The following ZBTB20 variants were observed in gnomAD, a reference collection of about 807,000 sequenced individuals.
ZBTB20 encodes zinc finger and BTB domain containing 20, also known as zinc finger and BTB domain-containing protein 20.
In ZBTB20, 9 loss-of-function variants were observed where a neutral mutation model predicts 56.9. The observed-to-expected ratio is 0.16, with a 90% confidence interval of 0.10 to 0.28. The LOEUF is 0.28. Ranked by LOEUF, ZBTB20 falls within the 10% of genes least tolerant of loss-of-function variation. ZBTB20 has a pLI of 1.00. For missense variants in ZBTB20, 655 were observed against 1,003.0 expected, an observed-to-expected ratio of 0.65 and a Z score of 4.69; for synonymous variants, 417 against 420.7, an observed-to-expected ratio of 0.99 and a Z score of 0.11.
chr3:114,651,669 G>A, intron 6 of ZBTB20, among the ~76,000 whole-genome samples: 2 of 151,852 alleles, frequency 1.3e-5, no homozygotes, highest in South Asian at 4.2e-4. Flanking sequence ...AAATTTGAAG[G>A]ACTCCTCTTT....
chr3:115,056,623 T>A (rs2081794655), intron 2 of ZBTB20, among the ~76,000 whole-genome samples: 1 of 152,146 alleles, frequency 6.6e-6, no homozygotes, highest in South Asian at 2.1e-4. Context: ...TCTTCAAAAG[T>A]TATTTTAAAA....
At chr3:114,390,566 A>G (rs2108629282) in intron 7 of ZBTB20, among the ~76,000 whole-genome samples, 1 of 152,194 alleles carries the variant, frequency 6.6e-6, no homozygotes, top group Admixed American at 6.5e-5. Context: ...TGTTCTCTAA[A>G]TGTAGACATT....
intron 1 of ZBTB20, among the ~76,000 whole-genome samples, chr3:115,080,168 T>C (rs1048503398): frequency 1.3e-5 from 2 of 152,138 alleles, no homozygotes; most frequent in Admixed American, 1.3e-4. Flanking sequence ...AAGAGCTAGC[T>C]TGATCTCTTT....
chr3:114,618,116 C>T (rs2058061278), intron 6 of ZBTB20, among the ~76,000 whole-genome samples: 1 of 151,328 alleles, frequency 6.6e-6, no homozygotes, highest in African/African-American at 2.4e-5. Context: ...TATCCCCAAC[C>T]CCTGGAATAG....
At chr3:114,964,917 T>G (rs1273723319) in intron 3 of ZBTB20, among the ~76,000 whole-genome samples, 1 of 152,184 alleles carries the variant, frequency 6.6e-6, no homozygotes, top group African/African-American at 2.4e-5. Context: ...AAAAACATTT[T>G]CAAATTTCAA....
intron 1 of ZBTB20, among the ~76,000 whole-genome samples, chr3:115,087,033 C>CA (rs1315359336): frequency 6.6e-6 from 1 of 151,778 alleles, no homozygotes; most frequent in Admixed American, 6.6e-5. Flanking sequence ...GGCCAAATAG[C>CA]AACTTTCCCC....
chr3:114,500,816 A>T (rs1198944107), intron 6 of ZBTB20, among the ~76,000 whole-genome samples: 1 of 152,228 alleles, frequency 6.6e-6, no homozygotes, highest in African/African-American at 2.4e-5. Flanking sequence ...GCTTCATTTC[A>T]AGTGCTCAAT....
chr3:114,956,833 A>G (rs544706543), intron 3 of ZBTB20, among the ~76,000 whole-genome samples: 2 of 152,182 alleles, frequency 1.3e-5, no homozygotes, highest in Non-Finnish European at 2.9e-5. Flanking sequence ...TCACTTTGAC[A>G]GGAAGAGCAA....
At position 114,698,485 on chromosome 3, in the gene ZBTB20, A is replaced by G. The variant is rs533015560; in HGVS notation, c.-342-4910T>C. Among the ~76,000 whole-genome samples the G allele has an allele frequency of 2.0e-5, 3 of 152,230 alleles. No homozygotes were observed. The East Asian group carries it at 5.8e-4, about 29-fold the overall frequency. Reference sequence around the variant, plus strand: ...CAGTGCTTCCCATGCCATATAATGAATTCCCAAAGCGTGGACCAGAAAGAA... The same window carrying G: ...CAGTGCTTCCCATGCCATATAATGAGTTCCCAAAGCGTGGACCAGAAAGAA... On this transcript the variant is annotated intron_variant, in intron 5 of 11. Coordinates refer to ENST00000675478, the MANE Select transcript of ZBTB20 (RefSeq NM_001348800.3).
intron 2 of ZBTB20, among the ~76,000 whole-genome samples, chr3:115,015,295 G>T (rs2079902650): frequency 6.6e-6 from 1 of 151,650 alleles, no homozygotes; most frequent in African/African-American, 2.4e-5. Flanking sequence ...AGTTATTTTG[G>T]ACTGATAAAT....
At chr3:114,663,838 ACTAT>A (rs2060892436) in intron 6 of ZBTB20, among the ~76,000 whole-genome samples, 1 of 151,284 alleles carries the variant, frequency 6.6e-6, no homozygotes, top group Non-Finnish European at 1.5e-5. Flanking sequence ...AGAGGAGCTA[ACTAT>A]CCTAAATATA....
intron 4 of ZBTB20, among the ~76,000 whole-genome samples, chr3:114,812,178 G>A (rs1034447078): frequency 6.6e-6 from 1 of 152,140 alleles, no homozygotes; most frequent in Non-Finnish European, 1.5e-5. Flanking sequence ...TGCCACTGCT[G>A]GCTCCGGCAG....
At chr3:114,781,107 C>A (rs907756397) in intron 5 of ZBTB20, among the ~76,000 whole-genome samples, 1 of 151,908 alleles carries the variant, frequency 6.6e-6, no homozygotes, top group Non-Finnish European at 1.5e-5. Flanking sequence ...ATATATATAC[C>A]TAATATGTAT....
intron 6 of ZBTB20, among the ~76,000 whole-genome samples, chr3:114,513,289 A>G (rs1240172348): frequency 6.6e-6 from 1 of 152,228 alleles, no homozygotes; most frequent in Non-Finnish European, 1.5e-5. Context: ...ACAGACGTGA[A>G]CAAATACGTA....
chr3:114,390,953 C>T (rs768884968), intron 7 of ZBTB20, among the ~76,000 whole-genome samples: 3 of 151,744 alleles, frequency 2.0e-5, no homozygotes, highest in African/African-American at 4.9e-5. Context: ...CATCCAGTTA[C>T]GTGGGCCTAC....
chr3:114,927,102 C>A (rs542819416), intron 3 of ZBTB20, among the ~76,000 whole-genome samples: 2 of 152,278 alleles, frequency 1.3e-5, no homozygotes, highest in African/African-American at 4.8e-5. Context: ...TTAGGGCAAA[C>A]CTGCTTCCCA....
chr3:114,331,134 T>TGTGTGTGTGTGC lies in ZBTB20; in HGVS notation c.*7870_*7871insGCACACACACAC, dbSNP rs2079239515. 1 of 150,224 alleles carries TGTGTGTGTGTGC rather than the reference T, an allele frequency of 6.7e-6. No individual in the cohort carries two copies. Among genetic ancestry groups the TGTGTGTGTGTGC allele is most frequent in the Non-Finnish European group, 1.5e-5 (1 of 68,530 alleles). The allele number at this position is 150,224 out of a possible 1,614,324, so 9.3% of individuals were successfully genotyped here. A position where few individuals can be genotyped will look rare whatever the true frequency, so the allele number is the denominator to read the frequency against. On this transcript the variant is annotated 3_prime_UTR_variant, in exon 12 of 12. Transcript: ENST00000675478. Reference sequence around the variant, plus strand: ...GTGTGTGTGTGTGTGTGTGTGTGTGTGTGCACACTGCATTGCATAGAGGAA... The same window carrying TGTGTGTGTGTGC: ...GTGTGTGTGTGTGTGTGTGTGTGTGTGTGTGTGTGTGCGTGCACACTGCATTGCATAGAGGAA...
chr3:114,990,988 T>G (rs2078781960), intron 2 of ZBTB20, among the ~76,000 whole-genome samples: 1 of 152,182 alleles, frequency 6.6e-6, no homozygotes, highest in Non-Finnish European at 1.5e-5. Context: ...TATTTGATTC[T>G]TTTCTCTTTT....
At chr3:114,853,956 T>C (rs865995010) in intron 4 of ZBTB20, among the ~76,000 whole-genome samples, 7 of 152,336 alleles carry the variant, frequency 4.6e-5, no homozygotes, top group Admixed American at 2.0e-4. Flanking sequence ...TCTAGTTACC[T>C]GTTTAAGCAG....
Sources: allele counts gnomAD v4.1 joint callset (sites outside exome capture counted in the v4.1 genomes callset), GRCh38; gene constraint gnomAD v4.1.1; transcripts MANE v1.5; gene names NCBI Gene and HGNC (gene_info 2026-07-23, HGNC 2026-07-21).